DOCK3: variants seen among roughly 807,000 people sequenced by gnomAD.
DOCK3 encodes dedicator of cytokinesis 3.
Under a neutral mutation model 265.6 loss-of-function variants are expected in DOCK3, and 60 were observed. The ratio of observed to expected loss-of-function variants is 0.23; its 90% CI spans 0.18 to 0.28. DOCK3 has a LOEUF of 0.28. Ranked by LOEUF, DOCK3 falls within the 10% of genes least tolerant of loss-of-function variation. The pLI, the probability that DOCK3 is intolerant of heterozygous loss-of-function variation, is 1.00. For synonymous variants in DOCK3, 881 were observed against 938.0 expected (o/e 0.94, Z 1.11); for missense variants, 1,981 against 2,594.3 (o/e 0.76, Z 5.14).
At chr3:50,690,673 C>T (rs959465390) in intron 1 of DOCK3, among the ~76,000 whole-genome samples, 7 of 151,606 alleles carry the variant, frequency 4.6e-5, no homozygotes, top group East Asian at 4.0e-4. Context: ...GACAGAATCT[C>T]GCTGTGTTGC....
chr3:51,013,821 A>G (rs2079044997), intron 5 of DOCK3, among the ~76,000 whole-genome samples: 1 of 151,772 alleles, frequency 6.6e-6, no homozygotes, highest in African/African-American at 2.4e-5. Flanking sequence ...GCTGTGGTGG[A>G]CTCCACCCAG....
At chr3:50,786,616 C>A in intron 2 of DOCK3, 1 of 574,462 alleles carries the variant, frequency 1.7e-6, no homozygotes. Flanking sequence ...AAGTTGTCCG[C>A]ACTCTGGCCT....
intron 2 of DOCK3, among the ~76,000 whole-genome samples, chr3:50,816,624 C>T (rs1299195039): frequency 6.6e-6 from 1 of 151,966 alleles, no homozygotes; most frequent in East Asian, 1.9e-4. Flanking sequence ...CCCGGCCTCT[C>T]TTAACTCCTG....
At chr3:51,258,951 T>G (rs756198101) in intron 22 of DOCK3, among the ~76,000 whole-genome samples, 1 of 152,226 alleles carries the variant, frequency 6.6e-6, no homozygotes, top group Non-Finnish European at 1.5e-5. Context: ...GTGTATACTT[T>G]CTGCTTCATG....
intron 5 of DOCK3, among the ~76,000 whole-genome samples, chr3:50,969,878 G>A (rs2077144668): frequency 6.6e-6 from 1 of 152,126 alleles, no homozygotes; most frequent in Admixed American, 6.6e-5. Context: ...AAGACCATCT[G>A]GCTAACACGG....
chr3:51,010,190 G>T (rs150421637), intron 5 of DOCK3, among the ~76,000 whole-genome samples: 1 of 152,164 alleles, frequency 6.6e-6, no homozygotes, highest in South Asian at 2.1e-4. Context: ...TTTCTGTCTC[G>T]CTGATCTGTC....
chr3:51,259,021 G>A (rs1449917448), intron 22 of DOCK3, among the ~76,000 whole-genome samples: 3 of 152,156 alleles, frequency 2.0e-5, no homozygotes, highest in African/African-American at 4.8e-5. Flanking sequence ...CAGCCTGCAA[G>A]TGTCTGGGTT....
At chr3:51,290,575 A>G (rs2081682514) in intron 27 of DOCK3, among the ~76,000 whole-genome samples, 1 of 152,104 alleles carries the variant, frequency 6.6e-6, no homozygotes, top group African/African-American at 2.4e-5. Flanking sequence ...TAGGAGATAT[A>G]CCTAGTGTAA....
At chr3:51,083,754 A>C (rs1175037645) in intron 7 of DOCK3, among the ~76,000 whole-genome samples, 1 of 152,144 alleles carries the variant, frequency 6.6e-6, no homozygotes, top group Non-Finnish European at 1.5e-5. Flanking sequence ...AGGCCAAGGC[A>C]GGTGGATCAC....
intron 6 of DOCK3, among the ~76,000 whole-genome samples, chr3:51,068,704 G>GCC (rs2081721456): frequency 6.6e-6 from 1 of 152,106 alleles, no homozygotes; most frequent in Admixed American, 6.5e-5. Flanking sequence ...TGATCCCAAA[G>GCC]CCCATGTGCT....
chr3:50,879,287 T>G (rs2047896184), intron 3 of DOCK3, among the ~76,000 whole-genome samples: 1 of 152,124 alleles, frequency 6.6e-6, no homozygotes, highest in African/African-American at 2.4e-5. Flanking sequence ...AATATTCACT[T>G]TAAATGTAAA....
At chr3:51,354,470 C>T (rs948854097) in intron 40 of DOCK3, among the ~76,000 whole-genome samples, 1 of 152,218 alleles carries the variant, frequency 6.6e-6, no homozygotes, top group Non-Finnish European at 1.5e-5. Context: ...TCCACCTTTT[C>T]CTGTCTTGAT....
At chr3:51,166,145 G>T (rs541647676) in intron 12 of DOCK3, among the ~76,000 whole-genome samples, 1 of 151,202 alleles carries the variant, frequency 6.6e-6, no homozygotes, top group African/African-American at 2.4e-5. Flanking sequence ...CCACTTCCCG[G>T]GTTCAAGCAA....
intron 2 of DOCK3, among the ~76,000 whole-genome samples, chr3:50,824,920 A>G (rs1467231010): frequency 2.0e-5 from 3 of 152,152 alleles, no homozygotes; most frequent in African/African-American, 7.2e-5. Flanking sequence ...TTAATCTTTA[A>G]TCCTTCTTGC....
Position 50,806,874 on chromosome 3 carries a change from C to T in DOCK3, c.121+28116C>T, listed in dbSNP as rs189886242. Among the ~76,000 whole-genome samples, 222 of 152,168 alleles carry T rather than the reference C, an allele frequency of 1.5e-3. 1 individual carries two copies. The highest frequency in any genetic ancestry group is 2.5e-3 in the Admixed American group (38 of 15,290). On this transcript the variant is annotated intron_variant, in intron 2 of 52. Transcript: ENST00000266037. ...CACACGTTGTGTTCCCAACCTGGAG[C>T]AGTGCAGTTGCATGAATTTCTGGTG...
intron 1 of DOCK3, among the ~76,000 whole-genome samples, chr3:50,742,169 G>C (rs1450387180): frequency 6.6e-6 from 1 of 151,982 alleles, no homozygotes; most frequent in East Asian, 1.9e-4. Flanking sequence ...CAAACAGAAA[G>C]GACATCCACA....
chr3:50,967,915 G>A (rs1456105211), intron 5 of DOCK3, among the ~76,000 whole-genome samples: 1 of 152,122 alleles, frequency 6.6e-6, no homozygotes, highest in African/African-American at 2.4e-5. Context: ...TGATTGCTGG[G>A]CCATATGGTA....
intron 12 of DOCK3, among the ~76,000 whole-genome samples, chr3:51,180,202 T>G (rs2107717290): frequency 1.1e-5 from 1 of 89,472 alleles, no homozygotes; most frequent in East Asian, 3.8e-4. Context: ...CTCGAGACCC[T>G]GTCTCAAAAA....
intron 1 of DOCK3, among the ~76,000 whole-genome samples, chr3:50,743,962 T>C (rs2039252304): frequency 6.6e-6 from 1 of 152,224 alleles, no homozygotes; most frequent in Non-Finnish European, 1.5e-5. Flanking sequence ...TTTCTATTTT[T>C]TAAAAAGAAA....
Sources: allele counts gnomAD v4.1 joint callset (sites outside exome capture counted in the v4.1 genomes callset), GRCh38; gene constraint gnomAD v4.1.1; transcripts MANE v1.5; gene names NCBI Gene and HGNC (gene_info 2026-07-23, HGNC 2026-07-21).